The following DOCK1 variants were observed in gnomAD, a reference collection of about 807,000 sequenced individuals.
DOCK1 encodes the protein dedicator of cytokinesis protein 1.
In DOCK1, 138 loss-of-function variants were observed where a neutral mutation model predicts 262.7. That is an observed-to-expected ratio of 0.53 (90% confidence interval 0.46 to 0.61). The LOEUF is 0.61. Ranked by LOEUF, DOCK1 falls within the 20% of genes least tolerant of loss-of-function variation. The pLI, the probability that DOCK1 is intolerant of heterozygous loss-of-function variation, is 0.00. For missense variants in DOCK1, 1,908 were observed against 2,370.7 expected, an observed-to-expected ratio of 0.80 and a Z score of 4.05; for synonymous variants, 866 against 867.4, an observed-to-expected ratio of 1.00 and a Z score of 0.03.
At chr10:127,103,528 G>A (rs1480577103) in intron 23 of DOCK1, among the ~76,000 whole-genome samples, 1 of 152,154 alleles carries the variant, frequency 6.6e-6, no homozygotes. Flanking sequence ...AAACCAGTTG[G>A]CAGCAGCAGT....
Position 127,012,131 on chromosome 10 carries a change from G to C in DOCK1, c.1059-101G>C, listed in dbSNP as rs918849824. 1 of 665,788 alleles carries C rather than the reference G, an allele frequency of 1.5e-6. No homozygotes were observed. Among genetic ancestry groups the C allele is most frequent in the East Asian group, 2.7e-5 (1 of 36,844 alleles). 41.2% of individuals were successfully genotyped at this position (665,788 alleles called of 1,614,324 possible). ...CGTTGACTCATGATGCCTCCCTCTC[G>C]CACTCGGTGACGATGATCTCTTATG... is the stretch of plus-strand genomic sequence containing the variant. On this transcript the variant is annotated intron_variant, in intron 11 of 51. Coordinates refer to ENST00000623213, the MANE Select transcript of DOCK1 (RefSeq NM_001290223.2). The surrounding 1 kb of genome is among the most constrained non-coding windows in gnomAD (Gnocchi z 4.0).
intron 43 of DOCK1, among the ~76,000 whole-genome samples, chr10:127,411,149 A>T (rs1290286602): frequency 6.6e-6 from 1 of 152,196 alleles, no homozygotes; most frequent in African/African-American, 2.4e-5. Context: ...TTTAATAAGG[A>T]GACTGTGCCG....
chr10:127,251,219 G>A (rs964229601), intron 28 of DOCK1, among the ~76,000 whole-genome samples: 28 of 151,384 alleles, frequency 1.8e-4, no homozygotes, highest in Non-Finnish European at 3.1e-4. Context: ...CTCCCGCCTC[G>A]GCCTCCCAAA....
intron 27 of DOCK1, among the ~76,000 whole-genome samples, chr10:127,161,880 T>C (rs1323750787): frequency 1.3e-5 from 2 of 152,126 alleles, no homozygotes; most frequent in Non-Finnish European, 2.9e-5. Flanking sequence ...ATTGAGAAGG[T>C]GTCTTTGTCT....
chr10:127,321,387 A>G (rs1238023211), intron 29 of DOCK1, among the ~76,000 whole-genome samples: 3 of 137,182 alleles, frequency 2.2e-5, no homozygotes, highest in Non-Finnish European at 4.6e-5. Context: ...TTCTGCCCGG[A>G]AGAAATACTG....
chr10:127,016,747 A>AAACACG (rs2041929104), intron 12 of DOCK1, among the ~76,000 whole-genome samples: 1 of 138,822 alleles, frequency 7.2e-6, no homozygotes, highest in African/African-American at 2.7e-5. Flanking sequence ...ACACACACAC[A>AAACACG]CTAACACAGA....
chr10:127,046,026 T>C (rs1356874900), intron 21 of DOCK1, among the ~76,000 whole-genome samples: 1 of 152,164 alleles, frequency 6.6e-6, no homozygotes, highest in Non-Finnish European at 1.5e-5. Context: ...CTTTTTGCTG[T>C]CTAATTCCAG....
intron 38 of DOCK1, among the ~76,000 whole-genome samples, chr10:127,386,648 C>T (rs1034982204): frequency 6.6e-6 from 1 of 151,914 alleles, no homozygotes; most frequent in African/African-American, 2.4e-5. Flanking sequence ...CAAGTTCAGG[C>T]TCCCACTGAT....
intron 1 of DOCK1, among the ~76,000 whole-genome samples, chr10:126,918,217 CA>C (rs2134072607): frequency 6.6e-6 from 1 of 151,530 alleles, no homozygotes; most frequent in South Asian, 2.1e-4. Context: ...GATTGATTGC[CA>C]GCATGCAGCG....
chr10:127,383,219 G>A (rs1417042854), intron 37 of DOCK1, among the ~76,000 whole-genome samples: 3 of 152,032 alleles, frequency 2.0e-5, no homozygotes, highest in Admixed American at 1.3e-4. Context: ...TTAGTTTTTC[G>A]CCTAGCAATC....
At chr10:127,429,821 G>A (rs543937082) in intron 47 of DOCK1, among the ~76,000 whole-genome samples, 30 of 149,642 alleles carry the variant, frequency 2.0e-4, no homozygotes, top group Non-Finnish European at 3.5e-4. Context: ...GGCCCACAGC[G>A]CCACGTTCGG....
rs145347952 is a variant in DOCK1, at chr10:127,079,478, C to A, written c.2445+17702C>A. On this transcript the variant is annotated intron_variant, in intron 23 of 51. Transcript: ENST00000623213. ...AGGCTGAAAAGGGCAAAGTGCTCAC[C>A]TTTGCTTGCATTGGGAAGTAATTTC... Among the ~76,000 whole-genome samples, 17 of 152,284 alleles carry A rather than the reference C, an allele frequency of 1.1e-4. No individual in the cohort carries two copies. In the East Asian group the frequency reaches 3.3e-3, roughly 29 times the overall value.
intron 1 of DOCK1, among the ~76,000 whole-genome samples, chr10:126,960,745 T>TATATATAC (rs1429186588): frequency 1.7e-5 from 2 of 115,500 alleles, no homozygotes; most frequent in Admixed American, 1.6e-4. Context: ...TATATATATA[T>TATATATAC]ACACACACAC....
intron 27 of DOCK1, among the ~76,000 whole-genome samples, chr10:127,162,807 G>C (rs973629143): frequency 2.6e-5 from 4 of 152,236 alleles, no homozygotes; most frequent in Non-Finnish European, 5.9e-5. Flanking sequence ...GGCTTGCTGT[G>C]TGTCAGCACT....
intron 50 of DOCK1, among the ~76,000 whole-genome samples, chr10:127,444,628 G>A (rs1281784637): frequency 1.3e-5 from 2 of 152,192 alleles, no homozygotes; most frequent in Admixed American, 6.5e-5. Flanking sequence ...GTCTAGGACT[G>A]TGCACTGGAG....
intron 27 of DOCK1, among the ~76,000 whole-genome samples, chr10:127,238,133 A>G (rs2059137573): frequency 6.6e-6 from 1 of 152,206 alleles, no homozygotes; most frequent in African/African-American, 2.4e-5. Flanking sequence ...GAAAATGAAC[A>G]ATGATTCCCG....
chr10:126,928,966 G>A (rs1696641081), intron 1 of DOCK1, among the ~76,000 whole-genome samples: 1 of 152,188 alleles, frequency 6.6e-6, no homozygotes, highest in African/African-American at 2.4e-5. Flanking sequence ...AGGCTTGGCG[G>A]GAGGCCTTTA....
intron 46 of DOCK1, among the ~76,000 whole-genome samples, chr10:127,423,774 T>G (rs1565080863): frequency 6.6e-6 from 1 of 152,158 alleles, no homozygotes. Context: ...TGTGCTGCTT[T>G]CAGGGCATGA....
At chr10:127,393,850 C>G (rs548458398) in intron 38 of DOCK1, among the ~76,000 whole-genome samples, 2 of 152,088 alleles carry the variant, frequency 1.3e-5, no homozygotes, top group African/African-American at 4.8e-5. Flanking sequence ...TCATTTCCAT[C>G]TGTTTCCATT....
Sources: gnomAD v4.1 joint callset for allele counts (sites outside exome capture counted in the v4.1 genomes callset) on GRCh38, gnomAD v4.1.1 for gene constraint, Gnocchi (gnomAD v3.1) non-coding constraint, MANE v1.5 for transcripts, NCBI Gene and HGNC (gene_info 2026-07-23, HGNC 2026-07-21) for gene names.